The following MYRIP variants were observed in gnomAD, a reference collection of about 807,000 sequenced individuals.
MYRIP encodes the protein myosin VIIA and Rab interacting protein.
MYRIP carries 49 observed loss-of-function variants against 98.0 expected under a neutral mutation model. The observed-to-expected ratio is 0.50, with a 90% confidence interval of 0.40 to 0.63. MYRIP has a LOEUF of 0.63. Among genes scored for constraint, MYRIP ranks in the 30% least tolerant of loss-of-function variants. The pLI is 0.00. For synonymous variants in MYRIP, 404 were observed against 409.5 expected (o/e 0.99, Z 0.16); for missense variants, 1,004 against 1,058.2 (o/e 0.95, Z 0.71).
chr3:39,964,411 T>C (rs1054088825), intron 2 of MYRIP, among the ~76,000 whole-genome samples: 8 of 152,172 alleles, frequency 5.3e-5, no homozygotes, highest in African/African-American at 1.7e-4. Context: ...TCCTCACAAT[T>C]GTGTTTGTTA....
intron 4 of MYRIP, among the ~76,000 whole-genome samples, chr3:40,153,657 G>A (rs1325533283): frequency 6.6e-6 from 1 of 152,190 alleles, no homozygotes; most frequent in Non-Finnish European, 1.5e-5. Context: ...CTAGAACTCA[G>A]AGTAATTAGT....
At chr3:40,151,219 G>GTGGGC in intron 4 of MYRIP, 35 bp downstream of exon 4, 1 of 1,565,484 alleles carries the variant, frequency 6.4e-7, no homozygotes, top group Non-Finnish European at 8.7e-7. Flanking sequence ...GGAGTCTTTG[G>GTGGGC]TGGGCTGGTG....
At chr3:40,006,275 G>T (rs1359720021) in intron 2 of MYRIP, among the ~76,000 whole-genome samples, 1 of 152,128 alleles carries the variant, frequency 6.6e-6, no homozygotes, top group Non-Finnish European at 1.5e-5. Context: ...AAAATAGAAG[G>T]AGAGAGGGAA....
chr3:40,027,870 C>G (rs1947170958), intron 2 of MYRIP, among the ~76,000 whole-genome samples: 1 of 152,010 alleles, frequency 6.6e-6, no homozygotes, highest in Non-Finnish European at 1.5e-5. Flanking sequence ...GTTTCTGCAG[C>G]TCAGAGGAGG....
chr3:39,816,230 G>A (rs6599051), intron 1 of MYRIP, among the ~76,000 whole-genome samples: 38,295 of 151,632 alleles, frequency 0.25, 5,125 homozygotes, highest in Middle Eastern at 0.32. Flanking sequence ...TACAGGCGCC[G>A]GCCACCACGC....
At chr3:39,914,875 A>C (rs1351948724) in intron 2 of MYRIP, among the ~76,000 whole-genome samples, 1 of 151,640 alleles carries the variant, frequency 6.6e-6, no homozygotes, top group Non-Finnish European at 1.5e-5. Flanking sequence ...ATTTGCCCAA[A>C]ATGTAATAAA....
intron 3 of MYRIP, among the ~76,000 whole-genome samples, chr3:40,134,995 C>T (rs185829585): frequency 2.4e-3 from 367 of 152,322 alleles, no homozygotes; most frequent in Non-Finnish European, 3.5e-3. Context: ...TCCAAAGGAA[C>T]GCAGCTCCTC....
chr3:39,839,170 T>G (rs1188403019), intron 1 of MYRIP, among the ~76,000 whole-genome samples: 1 of 152,156 alleles, frequency 6.6e-6, no homozygotes, highest in Non-Finnish European at 1.5e-5. Context: ...GAGGGTTTTT[T>G]TGTGTCTCTG....
At chr3:39,875,078 A>G (rs531072856) in intron 1 of MYRIP, among the ~76,000 whole-genome samples, 1 of 152,140 alleles carries the variant, frequency 6.6e-6, no homozygotes, top group Non-Finnish European at 1.5e-5. Context: ...GGGAGGGTGT[A>G]TGTGTCCAGG....
At chr3:39,953,455 C>G (rs989686335) in intron 2 of MYRIP, among the ~76,000 whole-genome samples, 7 of 152,184 alleles carry the variant, frequency 4.6e-5, no homozygotes, top group African/African-American at 1.7e-4. Context: ...TTGATTAATG[C>G]TTTCATTGTT....
At chr3:40,066,467 A>G (rs960233394) in intron 3 of MYRIP, among the ~76,000 whole-genome samples, 1 of 152,122 alleles carries the variant, frequency 6.6e-6, no homozygotes, top group Non-Finnish European at 1.5e-5. Context: ...TTTTTGCTTA[A>G]GGTAGAATTA....
At chr3:39,972,304 A>G (rs1268315480) in intron 2 of MYRIP, among the ~76,000 whole-genome samples, 1 of 151,984 alleles carries the variant, frequency 6.6e-6, no homozygotes, top group East Asian at 1.9e-4. Context: ...TTCAGAGTGC[A>G]CTGACAATGT....
intron 2 of MYRIP, among the ~76,000 whole-genome samples, chr3:40,024,676 G>A (rs373307067): frequency 6.6e-6 from 1 of 151,816 alleles, no homozygotes; most frequent in African/African-American, 2.4e-5. Flanking sequence ...CAGCTTTCTC[G>A]CAGCTGTTCT....
At chr3:40,066,983 C>T (rs1477123532) in intron 3 of MYRIP, among the ~76,000 whole-genome samples, 1 of 151,960 alleles carries the variant, frequency 6.6e-6, no homozygotes, top group Non-Finnish European at 1.5e-5. Flanking sequence ...CTTTTCTGTC[C>T]TTTTTGCTTT....
intron 1 of MYRIP, among the ~76,000 whole-genome samples, chr3:39,827,924 T>G (rs996004450): frequency 6.6e-6 from 1 of 152,152 alleles, no homozygotes; most frequent in Non-Finnish European, 1.5e-5. Flanking sequence ...CATTCTCTCC[T>G]GTCCTGTAAA....
chr3:39,996,341 T>C (rs917697744), intron 2 of MYRIP, among the ~76,000 whole-genome samples: 1 of 152,056 alleles, frequency 6.6e-6, no homozygotes, highest in African/African-American at 2.4e-5. Context: ...GAGGAAGATC[T>C]ACCAAGCAAA....
At chr3:40,234,352 G>A (rs1267090522) in intron 12 of MYRIP, among the ~76,000 whole-genome samples, 2 of 152,200 alleles carry the variant, frequency 1.3e-5, no homozygotes, top group African/African-American at 4.8e-5. Flanking sequence ...ACAAAGAGGA[G>A]CTTCAGCCTG....
At position 40,190,150 on chromosome 3, in the gene MYRIP, T is replaced by C. The variant is rs1279803796; in HGVS notation, c.1352T>C (p.Met451Thr). The C allele has an allele frequency of 2.5e-6, 4 of 1,614,060 alleles. No individual in the cohort carries two copies. The highest frequency in any genetic ancestry group is 2.2e-5 in the East Asian group (1 of 44,850). Residue 451 changes from methionine (M) to threonine (T), a missense_variant, in exon 10 of 17, where the codon ATG becomes ACG. By Grantham distance (81) the Met-to-Thr change is moderately conservative. Around this residue, in one of 3 missense-constraint regions of MYRIP, gnomAD observed 880 missense variants for 907.7 expected, o/e 0.97. Coordinates refer to ENST00000302541, the MANE Select transcript of MYRIP (RefSeq NM_015460.4). ...SSALSPNPEA[M>T]CSDSETSSAG... ...GCACTCTCCCCCAACCCTGAGGCCA[T>C]GTGCTCTGACTCGGAGACCTCCTCC...
At chr3:40,248,956 ACCT>A (rs996746514) in intron 13 of MYRIP, among the ~76,000 whole-genome samples, 11 of 151,964 alleles carry the variant, frequency 7.2e-5, no homozygotes, top group Admixed American at 6.6e-4. Context: ...GCCTTCACCT[ACCT>A]CCTCCTCCTT....
Sources: gnomAD v4.1 joint callset for allele counts (sites outside exome capture counted in the v4.1 genomes callset) on GRCh38, gnomAD v4.1.1 for gene constraint, gnomAD v4.1.1 regional missense constraint, MANE v1.5 for transcripts, NCBI Gene and HGNC (gene_info 2026-07-23, HGNC 2026-07-21) for gene names.